PPP2R2B: variants seen among roughly 807,000 people sequenced by gnomAD.
The protein encoded by PPP2R2B is serine/threonine-protein phosphatase 2A 55 kDa regulatory subunit B beta isoform.
In PPP2R2B, 5 loss-of-function variants were observed where a neutral mutation model predicts 46.0. The observed-to-expected ratio is 0.11, with a 90% CI of 0.06 to 0.23. The LOEUF (loss-of-function observed/expected upper bound fraction) is 0.23. Ranked by LOEUF, PPP2R2B falls within the 10% of genes least tolerant of loss-of-function variation. The pLI is 1.00. For synonymous variants in PPP2R2B, 215 were observed against 206.7 expected (o/e 1.04, Z -0.34); for missense variants, 367 against 575.0 (o/e 0.64, Z 3.70).
chr5:146,835,233 TAAAC>T (rs1759208992), intron 2 of PPP2R2B, among the ~76,000 whole-genome samples: 1 of 152,162 alleles, frequency 6.6e-6, no homozygotes, highest in Non-Finnish European at 1.5e-5. Context: ...AATTTAATAA[TAAAC>T]AATGTATTAT....
At chr5:146,926,005 C>T (rs1763770652) in intron 1 of PPP2R2B, among the ~76,000 whole-genome samples, 1 of 151,952 alleles carries the variant, frequency 6.6e-6, no homozygotes, top group Non-Finnish European at 1.5e-5. Context: ...ATTCAATATC[C>T]TTATTAAGAA....
chr5:146,981,055 C>G (rs970720027), intron 1 of PPP2R2B, among the ~76,000 whole-genome samples: 6 of 152,068 alleles, frequency 3.9e-5, no homozygotes, highest in African/African-American at 1.4e-4. Context: ...TACTGTATTT[C>G]TTACTCATTT....
chr5:146,999,013 CAAAAAAAAAA>C (rs60753702), intron 1 of PPP2R2B, among the ~76,000 whole-genome samples: 2 of 65,300 alleles, frequency 3.1e-5, no homozygotes, highest in Non-Finnish European at 5.3e-5. Context: ...GACTCCATAT[CAAAAAAAAAA>C]AAAAAAAAAA....
chr5:146,878,480 A>C lies in PPP2R2B; in HGVS notation c.-125+111T>G. 20 of 1,339,444 alleles carry C rather than the reference A, an allele frequency of 1.5e-5. No homozygotes were observed. The highest frequency in any genetic ancestry group is 2.9e-5 in the East Asian group (1 of 34,398). The allele number at this position is 1,339,444 out of a possible 1,614,324, so 83.0% of individuals were successfully genotyped here. A position where few individuals can be genotyped will look rare whatever the true frequency, so the allele number is the denominator to read the frequency against. On this transcript the variant is annotated intron_variant, in intron 1 of 9. Coordinates refer to ENST00000394411, the MANE Select transcript of PPP2R2B (RefSeq NM_181675.4). This position sits in a 1 kb window ranked among gnomAD's most constrained non-coding sequence, Gnocchi z 4.5. ...TCCCCTCCTTGGCAGCCGCTCCAAA[A>C]TGCAAAAAAGATCCCTCCTCCCCCT... is the stretch of plus-strand genomic sequence containing the variant.
At chr5:146,892,203 C>A (rs781454456) in intron 1 of PPP2R2B, among the ~76,000 whole-genome samples, 37 of 152,212 alleles carry the variant, frequency 2.4e-4, no homozygotes, top group Non-Finnish European at 1.0e-4. Flanking sequence ...GAGTCCCAGA[C>A]TTAGAAGAGC....
chr5:146,608,872 C>A (rs1437568773), intron 7 of PPP2R2B, among the ~76,000 whole-genome samples: 1 of 152,148 alleles, frequency 6.6e-6, no homozygotes, highest in Non-Finnish European at 1.5e-5. Flanking sequence ...GAACTAATGT[C>A]AATTCTACTC....
chr5:146,615,477 A>G (rs1447120257), intron 7 of PPP2R2B, among the ~76,000 whole-genome samples: 1 of 131,816 alleles, frequency 7.6e-6, no homozygotes, highest in South Asian at 2.8e-4. Context: ...CAATGTTCAC[A>G]TGTACCCTAA....
intron 2 of PPP2R2B, among the ~76,000 whole-genome samples, chr5:146,795,981 A>G (rs185465145): frequency 1.3e-5 from 2 of 152,150 alleles, no homozygotes; most frequent in African/African-American, 4.8e-5. Flanking sequence ...ACATGCCTGC[A>G]TATAGACTAT....
At chr5:146,675,827 T>A (rs187081322) in intron 5 of PPP2R2B, among the ~76,000 whole-genome samples, 19 of 151,958 alleles carry the variant, frequency 1.3e-4, no homozygotes, top group Admixed American at 3.9e-4. Flanking sequence ...CACTTCTCTC[T>A]CTCTCTCTCT....
intron 3 of PPP2R2B, 52 bp downstream of exon 3, chr5:146,700,993 G>T (rs1016631868): frequency 5.3e-5 from 76 of 1,445,400 alleles, no homozygotes; most frequent in Non-Finnish European, 7.1e-5. Flanking sequence ...ACAGTAGGAG[G>T]CCTCCTTTAA....
At chr5:146,645,851 A>G (rs1384929868) in intron 6 of PPP2R2B, among the ~76,000 whole-genome samples, 1 of 152,024 alleles carries the variant, frequency 6.6e-6, no homozygotes, top group Non-Finnish European at 1.5e-5. Flanking sequence ...TCCATGCTCC[A>G]CTTCACTCTC....
At chr5:146,762,960 G>A (rs115563785) in intron 2 of PPP2R2B, among the ~76,000 whole-genome samples, 41 of 152,314 alleles carry the variant, frequency 2.7e-4, no homozygotes, top group African/African-American at 9.6e-4. Flanking sequence ...CTCTAGTTGA[G>A]CCTCTGTCAT....
intron 2 of PPP2R2B, among the ~76,000 whole-genome samples, chr5:146,791,057 C>T (rs1402261709): frequency 6.6e-6 from 1 of 152,144 alleles, no homozygotes; most frequent in Non-Finnish European, 1.5e-5. Flanking sequence ...GAGAGACTAC[C>T]TGCAAAGGAA....
chr5:146,770,330 CAAAAAAAAAAAA>C (rs5871992), intron 2 of PPP2R2B, among the ~76,000 whole-genome samples: 3 of 60,060 alleles, frequency 5.0e-5, no homozygotes, highest in African/African-American at 8.0e-5. Flanking sequence ...GATTCCGTCT[CAAAAAAAAAAAA>C]AAAAAAAAAA....
intron 5 of PPP2R2B, among the ~76,000 whole-genome samples, chr5:146,687,316 C>T (rs1778570576): frequency 6.6e-6 from 1 of 152,210 alleles, no homozygotes; most frequent in South Asian, 2.1e-4. Context: ...TCGAAGGGCT[C>T]AGGTCCCAGA....
At chr5:146,662,480 C>A (rs183831264) in intron 5 of PPP2R2B, among the ~76,000 whole-genome samples, 7 of 152,116 alleles carry the variant, frequency 4.6e-5, no homozygotes, top group African/African-American at 1.7e-4. Flanking sequence ...AAAACTGATG[C>A]CTGCCTCCCC....
At chr5:146,750,002 T>G (rs1176733246) in intron 2 of PPP2R2B, among the ~76,000 whole-genome samples, 1 of 152,228 alleles carries the variant, frequency 6.6e-6, no homozygotes, top group African/African-American at 2.4e-5. Context: ...TTTGTGCCTA[T>G]GGGAGTTCAA....
At chr5:146,885,257 T>C (rs915034417) in intron 1 of PPP2R2B, among the ~76,000 whole-genome samples, 1 of 152,176 alleles carries the variant, frequency 6.6e-6, no homozygotes, top group Non-Finnish European at 1.5e-5. Context: ...CAAAGTCAGA[T>C]AGATGAGAGC....
At chr5:146,667,101 T>C (rs1409393263) in intron 5 of PPP2R2B, among the ~76,000 whole-genome samples, 3 of 152,108 alleles carry the variant, frequency 2.0e-5, no homozygotes, top group African/African-American at 7.2e-5. Flanking sequence ...AGGCTATTGG[T>C]CAGAAGATGA....
Sources: gnomAD v4.1 joint callset for allele counts (sites outside exome capture counted in the v4.1 genomes callset) on GRCh38, gnomAD v4.1.1 for gene constraint, Gnocchi (gnomAD v3.1) non-coding constraint, MANE v1.5 for transcripts, NCBI Gene and HGNC (gene_info 2026-07-23, HGNC 2026-07-21) for gene names.